The following CDH10 variants were observed in gnomAD, a reference collection of about 807,000 sequenced individuals.
CDH10 encodes cadherin 10.
A neutral mutation model predicts 73.1 loss-of-function variants in CDH10; 30 were observed. The ratio of observed to expected loss-of-function variants is 0.41; its 90% CI spans 0.31 to 0.56. The LOEUF (loss-of-function observed/expected upper bound fraction) is 0.56, where lower values mean the gene tolerates loss of function less well. Ranked by LOEUF, CDH10 falls within the 20% of genes least tolerant of loss-of-function variation. The probability of loss-of-function intolerance (pLI) is 0.27; values close to 1 mark genes in which losing one functional copy is unlikely to be tolerated. For missense variants in CDH10, 815 were observed against 973.7 expected, an observed-to-expected ratio of 0.84 and a Z score of 2.17; for synonymous variants, 345 against 348.2, an observed-to-expected ratio of 0.99 and a Z score of 0.10.
intron 5 of CDH10, among the ~76,000 whole-genome samples, chr5:24,531,866 T>A (rs1204738014): frequency 6.6e-6 from 1 of 152,088 alleles, no homozygotes; most frequent in African/African-American, 2.4e-5. Context: ...TCATATGACA[T>A]CAAAATTTCT....
chr5:24,552,610 T>C (rs189328513), intron 2 of CDH10, among the ~76,000 whole-genome samples: 212 of 152,196 alleles, frequency 1.4e-3, no homozygotes, highest in Non-Finnish European at 2.7e-3. Flanking sequence ...CTTGTTAATA[T>C]AGGCAATAAT....
intron 2 of CDH10, among the ~76,000 whole-genome samples, chr5:24,586,381 T>TC (rs572070946): frequency 1.3e-5 from 2 of 149,882 alleles, no homozygotes; most frequent in Non-Finnish European, 3.0e-5. Context: ...AAGTTGCTGC[T>TC]CCCCTCTCAA....
At chr5:24,575,261 CTGAGGCATGAGAATCG>C (rs368802052) in intron 2 of CDH10, among the ~76,000 whole-genome samples, 56,413 of 149,112 alleles carry the variant, frequency 0.38, 12,936 homozygotes, top group East Asian at 0.53. Context: ...ACTCAGGAGG[CTGAGGCATGAGAATCG>C]CTTGAACCCG....
At chr5:24,562,550 T>C (rs1744997336) in intron 2 of CDH10, among the ~76,000 whole-genome samples, 1 of 152,198 alleles carries the variant, frequency 6.6e-6, no homozygotes, top group Non-Finnish European at 1.5e-5. Flanking sequence ...AAAAAAAATC[T>C]ACAAGACTAT....
At chr5:24,543,786 C>A (rs970986351) in intron 2 of CDH10, among the ~76,000 whole-genome samples, 12 of 151,940 alleles carry the variant, frequency 7.9e-5, no homozygotes, top group Admixed American at 5.2e-4. Flanking sequence ...ACAATCTGGT[C>A]AGAAATAAAT....
intron 1 of CDH10, among the ~76,000 whole-genome samples, chr5:24,620,756 CCT>C (rs1403683577): frequency 6.6e-6 from 1 of 151,956 alleles, no homozygotes; most frequent in East Asian, 1.9e-4. Context: ...TCTCATTGCC[CCT>C]GTTTTGTTAA....
In CDH10 at chr5:24,491,563, T is replaced by A. The variant is rs201248913; in HGVS notation, c.1876+13A>T. On this transcript the variant is annotated intron_variant, in intron 11 of 11. Transcript: ENST00000264463. Reference sequence around the variant, plus strand: ...GCCTAGAAAATGCTCCCATTGTTTTTAAGGTTTCTTACCCAGTAGAATGAT... The same window carrying A: ...GCCTAGAAAATGCTCCCATTGTTTTAAAGGTTTCTTACCCAGTAGAATGAT... The A allele has an allele frequency of 6.3e-7, 1 of 1,594,416 alleles. No individual in the cohort carries two copies. The highest frequency in any genetic ancestry group is 8.6e-7 in the Non-Finnish European group (1 of 1,167,274).
At chr5:24,593,236 C>A (rs747382436) in intron 2 of CDH10, 24 bp downstream of exon 2, 1 of 1,267,178 alleles carries the variant, frequency 7.9e-7, no homozygotes, top group South Asian at 1.2e-5. Flanking sequence ...AATATAAACA[C>A]GTGCCATTTT....
chr5:24,506,112 CAAAAA>C (rs956289293), intron 7 of CDH10, among the ~76,000 whole-genome samples: 1 of 81,920 alleles, frequency 1.2e-5, no homozygotes, highest in Non-Finnish European at 2.6e-5. Flanking sequence ...AAGACTCCGT[CAAAAA>C]AAAAAAAAAA....
intron 1 of CDH10, among the ~76,000 whole-genome samples, chr5:24,596,765 A>C (rs1191370692): frequency 6.6e-6 from 1 of 151,912 alleles, no homozygotes; most frequent in Non-Finnish European, 1.5e-5. Context: ...AACGTATTGA[A>C]TTTTCCTCAA....
At chr5:24,611,558 GA>G (rs1746951638) in intron 1 of CDH10, among the ~76,000 whole-genome samples, 2 of 152,098 alleles carry the variant, frequency 1.3e-5, no homozygotes. Context: ...AGGATTATTA[GA>G]AAAATTGTTA....
At chr5:24,557,202 T>TA (rs1346685467) in intron 2 of CDH10, among the ~76,000 whole-genome samples, 5 of 61,000 alleles carry the variant, frequency 8.2e-5, no homozygotes, top group East Asian at 1.1e-3. Flanking sequence ...TCAGTTTTTT[T>TA]TAATTACTTA....
At chr5:24,548,512 T>A (rs1744426801) in intron 2 of CDH10, among the ~76,000 whole-genome samples, 1 of 136,532 alleles carries the variant, frequency 7.3e-6, no homozygotes, top group Non-Finnish European at 1.5e-5. Context: ...GAAACCTCAA[T>A]CCTTGCTTTT....
intron 3 of CDH10, among the ~76,000 whole-genome samples, chr5:24,536,488 A>G (rs1743957674): frequency 1.3e-5 from 2 of 152,078 alleles, no homozygotes; most frequent in African/African-American, 4.8e-5. Flanking sequence ...AAAAAGCTTT[A>G]GATTTGTTTA....
At position 24,546,506 on chromosome 5, in the gene CDH10, TTCGTACTCA is replaced by T. The variant is rs529836987; in HGVS notation, c.232-8841_232-8833del. 2.6e-4 allele frequency among the ~76,000 whole-genome samples: 40 copies of T among 152,240 alleles called. No individual in the cohort carries two copies. The South Asian group carries it at 7.2e-3, about 28-fold the overall frequency. ...GACATTGATTTATCCACCCTAAAAC[TTCGTACTCA>T]TCTATAAAGATCCTATTTATCCAAT... On this transcript the variant is annotated intron_variant, in intron 2 of 11. Transcript: ENST00000264463.
In CDH10 at chr5:24,511,411, G is replaced by A. The variant is rs2111765080; in HGVS notation, c.918C>T (p.Tyr306=). 1 of 1,611,424 alleles carries A rather than the reference G, an allele frequency of 6.2e-7. No individual in the cohort carries two copies. Among genetic ancestry groups the A allele is most frequent in the Non-Finnish European group, 8.5e-7 (1 of 1,177,600 alleles). ...ADTGKNAEVE[Y]RIIDGDGTDM... Reference sequence around the variant, plus strand: ...CAGTACCGTCACCATCAATAATTCGGTATTCTACTTCAGCATTTTTCCCAG... The same window carrying A: ...CAGTACCGTCACCATCAATAATTCGATATTCTACTTCAGCATTTTTCCCAG... The change falls in exon 6 of 12, where the codon TAC becomes TAT. Residue 306 remains tyrosine, a synonymous_variant. Transcript: ENST00000264463.
At chr5:24,600,894 G>A (rs181139395) in intron 1 of CDH10, among the ~76,000 whole-genome samples, 127 of 152,202 alleles carry the variant, frequency 8.3e-4, no homozygotes, top group African/African-American at 3.0e-3. Flanking sequence ...GGAGTTCAAA[G>A]CAGCTAATCC....
rs1554016940 is a variant in CDH10 at position 24,504,506 on chromosome 5, C to CTGTTTTTTTTTTTT, written c.1393+605_1393+606insAAAAAAAAAAAACA. ...TATTAAATGCTTTTCTCCTATTAAT[C>CTGTTTTTTTTTTTT]TTTTTTTTTTTTTTTTTTTTTTTTT... On this transcript the variant is annotated intron_variant, in intron 8 of 11. Transcript: ENST00000264463. 2.1e-3 allele frequency among the ~76,000 whole-genome samples: 138 copies of CTGTTTTTTTTTTTT among 65,162 alleles called. 56 individuals are homozygous for CTGTTTTTTTTTTTT. Among genetic ancestry groups the CTGTTTTTTTTTTTT allele is most frequent in the East Asian group, 8.2e-3 (15 of 1,840 alleles). The allele number at this position is 65,162 out of a possible 152,430, so 42.7% of individuals were successfully genotyped here.
At chr5:24,515,390 T>C (rs78869233) in intron 5 of CDH10, among the ~76,000 whole-genome samples, 1,635 of 152,228 alleles carry the variant, frequency 0.011, 16 homozygotes, top group Non-Finnish European at 0.017. Context: ...TCATAACTCA[T>C]GAGAATGGTA....
Sources: allele counts gnomAD v4.1 joint callset (sites outside exome capture counted in the v4.1 genomes callset), GRCh38; gene constraint gnomAD v4.1.1; transcripts MANE v1.5; gene names NCBI Gene and HGNC (gene_info 2026-07-23, HGNC 2026-07-21).